The following ITCH variants were observed in gnomAD, a reference collection of about 807,000 sequenced individuals.
The protein encoded by ITCH is itchy E3 ubiquitin protein ligase, also known as E3 ubiquitin-protein ligase Itchy homolog.
In ITCH, 28 loss-of-function variants were observed where a neutral mutation model predicts 126.8. That is an observed-to-expected ratio of 0.22 (90% CI 0.16 to 0.30). ITCH has a LOEUF of 0.30. Ranked by LOEUF, ITCH falls within the 10% of genes least tolerant of loss-of-function variation. The pLI is 1.00. For missense variants in ITCH, 631 were observed against 1,032.4 expected (o/e 0.61, Z 5.33); for synonymous variants, 342 against 340.0 (o/e 1.01, Z -0.06).
intron 17 of ITCH, 102 bp from the exon 18 acceptor site, chr20:34,479,527 TC>T (rs1988538643): frequency 1.2e-6 from 1 of 867,982 alleles, no homozygotes; most frequent in Non-Finnish European, 1.8e-6. Context: ...TAGAAAACTA[TC>T]ACTAGCTGAG....
At chr20:34,497,991 T>G (rs539700377) in intron 23 of ITCH, among the ~76,000 whole-genome samples, 1 of 152,376 alleles carries the variant, frequency 6.6e-6, no homozygotes, top group East Asian at 1.9e-4. Flanking sequence ...TTACATTTTT[T>G]GTGTGTTTTC....
intron 3 of ITCH, among the ~76,000 whole-genome samples, chr20:34,404,278 A>G (rs1042509178): frequency 6.6e-6 from 1 of 152,012 alleles, no homozygotes; most frequent in Non-Finnish European, 1.5e-5. Flanking sequence ...GATTTATTTT[A>G]TATTTGTAAT....
chr20:34,493,234 C>G (rs576570890), intron 23 of ITCH, among the ~76,000 whole-genome samples: 1 of 152,148 alleles, frequency 6.6e-6, no homozygotes, highest in Non-Finnish European at 1.5e-5. Context: ...CTGCTTCAGA[C>G]TGAAGCAGAG....
intron 13 of ITCH, among the ~76,000 whole-genome samples, chr20:34,461,194 G>A (rs1363551669): frequency 6.6e-6 from 1 of 152,180 alleles, no homozygotes; most frequent in Admixed American, 6.5e-5. Flanking sequence ...AGGTTTGGGT[G>A]CAAAGGGAAC....
intron 20 of ITCH, among the ~76,000 whole-genome samples, chr20:34,485,196 GTGATAA>G (rs1408557419): frequency 6.6e-6 from 1 of 152,030 alleles, no homozygotes; most frequent in East Asian, 1.9e-4. Context: ...CATTCTCTTG[GTGATAA>G]ATGTTTTGGT....
chr20:34,425,428 G>A (rs1008536225), intron 7 of ITCH, among the ~76,000 whole-genome samples: 1 of 152,142 alleles, frequency 6.6e-6, no homozygotes, highest in African/African-American at 2.4e-5. Context: ...TGAAGGGTCT[G>A]TGCTGAGGAG....
chr20:34,425,442 T>C (rs1409331648), intron 7 of ITCH, among the ~76,000 whole-genome samples: 1 of 151,766 alleles, frequency 6.6e-6, no homozygotes, highest in Non-Finnish European at 1.5e-5. Context: ...TGAGGAGGAG[T>C]AGTGAAAGAG....
rs553651990 is a variant in ITCH at position 34,381,637 on chromosome 20, A to G, written c.-21-12154A>G. On this transcript the variant is annotated intron_variant, in intron 2 of 24. Transcript: ENST00000374864. Reference sequence around the variant, plus strand: ...GAGACGGGGTTTCACCATGTTGGCCAGACTGGTCTCAAACTCCTTGCCTCG... The same window carrying G: ...GAGACGGGGTTTCACCATGTTGGCCGGACTGGTCTCAAACTCCTTGCCTCG... 2.5e-4 allele frequency among the ~76,000 whole-genome samples: 38 copies of G among 152,216 alleles called. 3 individuals are homozygous for G. The South Asian group carries it at 7.0e-3, about 28-fold the overall frequency.
intron 7 of ITCH, among the ~76,000 whole-genome samples, chr20:34,428,570 T>C (rs553144554): frequency 1.3e-5 from 2 of 152,338 alleles, no homozygotes; most frequent in African/African-American, 4.8e-5. Context: ...TGCGTTCTTT[T>C]TTTTTGTTTT....
intron 3 of ITCH, among the ~76,000 whole-genome samples, chr20:34,397,886 C>T (rs1410990287): frequency 6.6e-6 from 1 of 152,022 alleles, no homozygotes; most frequent in Non-Finnish European, 1.5e-5. Flanking sequence ...AAGTAATATA[C>T]ATTTTATTTT....
chr20:34,506,723 A>G (rs1472058824), intron 24 of ITCH, among the ~76,000 whole-genome samples: 3 of 152,168 alleles, frequency 2.0e-5, no homozygotes, highest in African/African-American at 2.4e-5. Context: ...GCTTTAAACA[A>G]TGACTCCCCA....
intron 14 of ITCH, among the ~76,000 whole-genome samples, chr20:34,462,941 T>G (rs1307462733): frequency 6.6e-6 from 1 of 152,238 alleles, no homozygotes; most frequent in African/African-American, 2.4e-5. Flanking sequence ...ACATTTTCAT[T>G]CCTTATTGAA....
At chr20:34,453,543 G>A (rs911367856) in intron 12 of ITCH, among the ~76,000 whole-genome samples, 3 of 152,106 alleles carry the variant, frequency 2.0e-5, no homozygotes, top group African/African-American at 4.8e-5. Context: ...GCTATAGTGC[G>A]CTGTGATTGT....
intron 3 of ITCH, 30 bp from the exon 4 acceptor site, chr20:34,408,621 A>G: frequency 6.4e-7 from 1 of 1,570,808 alleles, no homozygotes; most frequent in Admixed American, 1.7e-5. Context: ...CATCTCAACT[A>G]TTGAAATGTT....
intron 2 of ITCH, among the ~76,000 whole-genome samples, chr20:34,378,795 G>A (rs1392924723): frequency 6.6e-6 from 1 of 152,124 alleles, no homozygotes; most frequent in Non-Finnish European, 1.5e-5. Context: ...GTGAGAGAGA[G>A]ATTAACTGCA....
intron 20 of ITCH, among the ~76,000 whole-genome samples, chr20:34,485,734 A>C (rs1008018530): frequency 1.3e-5 from 2 of 152,032 alleles, no homozygotes; most frequent in Admixed American, 6.6e-5. Context: ...CGAGGCTGAA[A>C]TACAGTGGCA....
intron 7 of ITCH, among the ~76,000 whole-genome samples, chr20:34,425,627 C>T (rs1050613621): frequency 1.3e-5 from 2 of 152,216 alleles, no homozygotes; most frequent in Admixed American, 6.5e-5. Flanking sequence ...CTCTTTGCTA[C>T]AGTGAGATGT....
chr20:34,498,962 T>C (rs948930688), intron 23 of ITCH, among the ~76,000 whole-genome samples: 7 of 151,832 alleles, frequency 4.6e-5, no homozygotes, highest in African/African-American at 1.7e-4. Context: ...ACTTTTGTTT[T>C]CTTTGATGGG....
At chr20:34,489,412 G>A in intron 21 of ITCH, 26 bp downstream of exon 21, 1 of 1,602,054 alleles carries the variant, frequency 6.2e-7, no homozygotes, top group Non-Finnish European at 8.5e-7. Flanking sequence ...TCATTCCCCT[G>A]TACCATGCTA....
Sources: allele counts gnomAD v4.1 joint callset (sites outside exome capture counted in the v4.1 genomes callset), GRCh38; gene constraint gnomAD v4.1.1; transcripts MANE v1.5; gene names NCBI Gene and HGNC (gene_info 2026-07-23, HGNC 2026-07-21).